The following CHCHD3 variants were observed in gnomAD, a reference collection of about 807,000 sequenced individuals.
CHCHD3 encodes MICOS complex subunit MIC19.
Under a neutral mutation model 38.2 loss-of-function variants are expected in CHCHD3, and 20 were observed. The ratio of observed to expected loss-of-function variants is 0.52; its 90% CI spans 0.37 to 0.76. The LOEUF (loss-of-function observed/expected upper bound fraction) is 0.76. CHCHD3 is among the 30% of genes least tolerant of loss of function. The pLI, the probability that CHCHD3 is intolerant of heterozygous loss-of-function variation, is 0.00. For missense variants in CHCHD3, 245 were observed against 279.2 expected (o/e 0.88, Z 0.87); for synonymous variants, 82 against 100.0 (o/e 0.82, Z 1.07).
intron 1 of CHCHD3, among the ~76,000 whole-genome samples, chr7:133,081,089 T>C (rs573557213): frequency 1.3e-4 from 20 of 152,160 alleles, no homozygotes; most frequent in African/African-American, 4.3e-4. Flanking sequence ...ATCAGGTGCA[T>C]GCAAAGGGCA....
chr7:133,047,345 T>C (rs1225297827), intron 2 of CHCHD3, among the ~76,000 whole-genome samples: 1 of 152,150 alleles, frequency 6.6e-6, no homozygotes, highest in South Asian at 2.1e-4. Flanking sequence ...ACAACCCAGA[T>C]ATGAACCAAT....
intron 6 of CHCHD3, among the ~76,000 whole-genome samples, chr7:132,798,568 A>G (rs1806681802): frequency 6.6e-6 from 1 of 152,206 alleles, no homozygotes; most frequent in African/African-American, 2.4e-5. Flanking sequence ...CTAATAGCTC[A>G]TAGGAAAGCA....
intron 6 of CHCHD3, among the ~76,000 whole-genome samples, chr7:132,825,310 G>A (rs74400326): frequency 0.023 from 3,461 of 152,236 alleles, 71 homozygotes; most frequent in African/African-American, 0.052. Context: ...ACAGGGTGTC[G>A]GAATTCACTA....
intron 2 of CHCHD3, among the ~76,000 whole-genome samples, chr7:133,046,575 G>T (rs572835978): frequency 2.9e-5 from 1 of 34,754 alleles, no homozygotes; most frequent in Non-Finnish European, 5.1e-5. Flanking sequence ...TTTTTTGGGG[G>T]GGGGAGACGG....
chr7:133,043,953 G>A (rs74456002), intron 2 of CHCHD3, among the ~76,000 whole-genome samples: 7,502 of 152,168 alleles, frequency 0.049, 247 homozygotes, highest in Non-Finnish European at 0.071. Flanking sequence ...GCATCCTGAC[G>A]CTAATTTTCA....
chr7:133,049,176 G>A (rs373281121), intron 2 of CHCHD3, among the ~76,000 whole-genome samples: 6 of 152,186 alleles, frequency 3.9e-5, no homozygotes, highest in African/African-American at 1.4e-4. Context: ...AACACATGAC[G>A]ATAAATTGCA....
At chr7:132,904,325 A>G (rs1809742944) in intron 4 of CHCHD3, among the ~76,000 whole-genome samples, 1 of 152,144 alleles carries the variant, frequency 6.6e-6, no homozygotes, top group Admixed American at 6.5e-5. Flanking sequence ...AATATACCTT[A>G]GAAACCAAGG....
At chr7:132,883,686 G>A (rs543455807) in intron 5 of CHCHD3, among the ~76,000 whole-genome samples, 1 of 152,306 alleles carries the variant, frequency 6.6e-6, no homozygotes, top group South Asian at 2.1e-4. Context: ...CAAAGGCAGA[G>A]GTGGGGAGCT....
chr7:132,819,074 T>C (rs987198724), intron 6 of CHCHD3, among the ~76,000 whole-genome samples: 2 of 152,188 alleles, frequency 1.3e-5, no homozygotes, highest in African/African-American at 2.4e-5. Flanking sequence ...TTTAAATATG[T>C]ATTATCCAAG....
At chr7:132,925,847 T>C (rs1447388792) in intron 4 of CHCHD3, among the ~76,000 whole-genome samples, 3 of 151,228 alleles carry the variant, frequency 2.0e-5, no homozygotes, top group Non-Finnish European at 4.4e-5. Context: ...CAAAAACGAG[T>C]TGGGGATGGG....
intron 7 of CHCHD3, among the ~76,000 whole-genome samples, chr7:132,790,520 ACT>A (rs1032295630): frequency 1.3e-5 from 2 of 152,104 alleles, no homozygotes; most frequent in Non-Finnish European, 2.9e-5. Context: ...CTTTGATCTG[ACT>A]CTAAATTCAA....
chr7:133,022,383 G>A (rs921929985), intron 3 of CHCHD3: 22 of 456,446 alleles, frequency 4.8e-5, no homozygotes, highest in African/African-American at 2.8e-4. Context: ...TATAAATCTC[G>A]ATTCAATTCA....
intron 5 of CHCHD3, among the ~76,000 whole-genome samples, chr7:132,873,982 G>A (rs1036636070): frequency 2.0e-5 from 3 of 152,192 alleles, no homozygotes; most frequent in Admixed American, 1.3e-4. Flanking sequence ...AAAACCTGCA[G>A]AATAAGGTCT....
At chr7:132,974,614 A>G (rs6960797) in intron 4 of CHCHD3, among the ~76,000 whole-genome samples, 70,538 of 151,974 alleles carry the variant, frequency 0.46, 16,652 homozygotes, top group East Asian at 0.55. Flanking sequence ...GGTGGCTCAC[A>G]CCTGTAATCC....
In CHCHD3 at chr7:132,826,088, G is replaced by T. The variant is rs143626895; in HGVS notation, c.524+12311C>A. On this transcript the variant is annotated intron_variant, in intron 6 of 7. Coordinates refer to ENST00000262570, the MANE Select transcript of CHCHD3 (RefSeq NM_017812.4). ...ATGCATCTCTCACATAGTCAGCTTT[G>T]TTGAGATCTATGCCAGTGGCTAGCC... Among the ~76,000 whole-genome samples, 113 of 152,240 alleles carry T rather than the reference G, an allele frequency of 7.4e-4. No homozygotes were observed. The Middle Eastern group carries it at 0.027, about 37-fold the overall frequency.
intron 5 of CHCHD3, among the ~76,000 whole-genome samples, chr7:132,865,197 A>C (rs1162723341): frequency 1.3e-5 from 2 of 152,228 alleles, no homozygotes; most frequent in Non-Finnish European, 2.9e-5. Flanking sequence ...AGGAGTGAAC[A>C]TATGTCCCAA....
intron 2 of CHCHD3, among the ~76,000 whole-genome samples, chr7:133,050,738 G>A (rs1249817439): frequency 6.6e-6 from 1 of 152,122 alleles, no homozygotes; most frequent in African/African-American, 2.4e-5. Context: ...TATGCCAGGC[G>A]CAGTGGCTCA....
At chr7:132,946,169 T>C (rs952701199) in intron 4 of CHCHD3, among the ~76,000 whole-genome samples, 1 of 129,888 alleles carries the variant, frequency 7.7e-6, no homozygotes, top group South Asian at 2.3e-4. Flanking sequence ...TTGGCCTTTA[T>C]ATATGTGTGT....
chr7:132,906,913 A>G (rs1218714689), intron 4 of CHCHD3, among the ~76,000 whole-genome samples: 2 of 152,162 alleles, frequency 1.3e-5, no homozygotes, highest in South Asian at 2.1e-4. Flanking sequence ...CAGGACACCA[A>G]CTTACTCAGC....
Sources: gnomAD v4.1 joint callset for allele counts (sites outside exome capture counted in the v4.1 genomes callset) on GRCh38, gnomAD v4.1.1 for gene constraint, MANE v1.5 for transcripts, NCBI Gene and HGNC (gene_info 2026-07-23, HGNC 2026-07-21) for gene names.